Variants in PINX1 observed in about 807,000 individuals in gnomAD.
PINX1 encodes the protein PIN2/TERF1-interacting telomerase inhibitor 1.
Under a neutral mutation model 25.4 loss-of-function variants are expected in PINX1, and 34 were observed. The observed-to-expected ratio is 1.34, with a 90% CI of 1.02 to 1.78. PINX1 has a LOEUF of 1.78. PINX1 is among the 40% of genes most tolerant of loss of function. The probability of loss-of-function intolerance (pLI) is 0.00; values close to 1 mark genes in which losing one functional copy is unlikely to be tolerated. For missense variants in PINX1, 592 were observed against 404.9 expected (o/e 1.46, Z -3.97); for synonymous variants, 197 against 147.7 (o/e 1.33, Z -2.42).
At chr8:10,788,049 T>C (rs916472601) in intron 6 of PINX1, among the ~76,000 whole-genome samples, 2 of 152,194 alleles carry the variant, frequency 1.3e-5, no homozygotes, top group African/African-American at 2.4e-5. Context: ...GACTGTGTGT[T>C]ATGGAGTCCT....
chr8:10,822,083 T>C (rs1414948362), intron 5 of PINX1: 2 of 152,190 alleles, frequency 1.3e-5, no homozygotes, highest in African/African-American at 2.4e-5. Context: ...CTTAAGTAAA[T>C]GTAGAAACCA....
chr8:10,786,628 A>T (rs1393783701), intron 6 of PINX1, among the ~76,000 whole-genome samples: 1 of 152,192 alleles, frequency 6.6e-6, no homozygotes, highest in Non-Finnish European at 1.5e-5. Flanking sequence ...AGGGGCACAA[A>T]GACTCTGCCC....
At chr8:10,824,331 A>C (rs1420676190) in intron 5 of PINX1, among the ~76,000 whole-genome samples, 1 of 152,126 alleles carries the variant, frequency 6.6e-6, no homozygotes, top group Non-Finnish European at 1.5e-5. Flanking sequence ...CTAGCTGATA[A>C]ACCATTCTTT....
chr8:10,802,827 G>C (rs1014895786), intron 6 of PINX1, among the ~76,000 whole-genome samples: 4 of 152,148 alleles, frequency 2.6e-5, no homozygotes, highest in East Asian at 1.9e-4. Flanking sequence ...GATTCTCCTG[G>C]GACAACTATC....
At chr8:10,793,341 A>G (rs1801983040) in intron 6 of PINX1, among the ~76,000 whole-genome samples, 1 of 152,198 alleles carries the variant, frequency 6.6e-6, no homozygotes, top group Non-Finnish European at 1.5e-5. Flanking sequence ...AAATGTTTTC[A>G]CCTAGACCAG....
At chr8:10,799,374 G>A (rs1193188788) in intron 6 of PINX1, among the ~76,000 whole-genome samples, 2 of 152,140 alleles carry the variant, frequency 1.3e-5, no homozygotes. Context: ...TCTCCTTGAG[G>A]CCCCGAGGCC....
At chr8:10,783,639 T>G (rs1304417441) in intron 6 of PINX1, among the ~76,000 whole-genome samples, 1 of 152,170 alleles carries the variant, frequency 6.6e-6, no homozygotes, top group African/African-American at 2.4e-5. Context: ...GACTTCCTGA[T>G]GAGGTTGTGA....
intron 2 of PINX1, 129 bp from the exon 3 acceptor site, chr8:10,833,113 T>G (rs1387382584): frequency 3.5e-6 from 2 of 578,018 alleles, no homozygotes; most frequent in Non-Finnish European, 6.1e-6. Flanking sequence ...TTAAATACTT[T>G]CACAAAGCAA....
intron 6 of PINX1, among the ~76,000 whole-genome samples, chr8:10,797,437 C>T (rs992279038): frequency 1.3e-5 from 2 of 152,210 alleles, no homozygotes; most frequent in Non-Finnish European, 2.9e-5. Context: ...ACAGTGGCCT[C>T]TCCTGATCTC....
chr8:10,827,733 C>T (rs1439449702), intron 4 of PINX1, among the ~76,000 whole-genome samples: 1 of 150,764 alleles, frequency 6.6e-6, no homozygotes, highest in Admixed American at 6.6e-5. Flanking sequence ...GGTGAAACCC[C>T]GTCTCTACTA....
intron 6 of PINX1, among the ~76,000 whole-genome samples, chr8:10,792,899 C>T (rs567695614): frequency 2.0e-4 from 31 of 152,186 alleles, no homozygotes; most frequent in African/African-American, 7.2e-4. Flanking sequence ...ATCTGAGATG[C>T]CCCCTTACCT....
intron 6 of PINX1, among the ~76,000 whole-genome samples, chr8:10,819,716 CCCCTT>C (rs1797806925): frequency 6.6e-6 from 1 of 152,094 alleles, no homozygotes; most frequent in South Asian, 2.1e-4. Flanking sequence ...CCCATCAAAC[CCCCTT>C]ATAGATGGTG....
intron 6 of PINX1, among the ~76,000 whole-genome samples, chr8:10,799,905 T>A (rs1036259041): frequency 2.6e-5 from 4 of 152,194 alleles, no homozygotes; most frequent in African/African-American, 9.7e-5. Context: ...ACGGTCTGAG[T>A]TAGTCCTTAC....
rs1387908572 is a variant in PINX1 at position 10,765,263 on chromosome 8, G to A, written c.*138C>T. 4.2e-6 allele frequency: 3 copies of A among 708,552 alleles called. No homozygotes were observed. Among genetic ancestry groups the A allele is most frequent in the African/African-American group, 3.6e-5 (2 of 55,890 alleles). The allele number at this position is 708,552 out of a possible 1,614,324, so 43.9% of individuals were successfully genotyped here. On this transcript the variant is annotated 3_prime_UTR_variant, in exon 7 of 7. Transcript: ENST00000314787. ...TGGGGGAAATGTGGCGAGAGGGCAG[G>A]ACTCGGCAGCCCATGGGCATGCCAC...
intron 6 of PINX1, among the ~76,000 whole-genome samples, chr8:10,800,326 G>T (rs946343018): frequency 6.6e-6 from 1 of 152,112 alleles, no homozygotes; most frequent in Admixed American, 6.5e-5. Flanking sequence ...AGATGTTACC[G>T]CAGAGTTTTA....
chr8:10,791,151 A>T (rs747793743), intron 6 of PINX1, among the ~76,000 whole-genome samples: 45 of 152,112 alleles, frequency 3.0e-4, no homozygotes, highest in Admixed American at 2.0e-3. Flanking sequence ...TGACCTCGTG[A>T]TCTGCCTGCC....
chr8:10,767,779 C>T (rs1332067187), intron 6 of PINX1, among the ~76,000 whole-genome samples: 1 of 142,060 alleles, frequency 7.0e-6, no homozygotes, highest in Non-Finnish European at 1.5e-5. Context: ...GAGACAGGCT[C>T]GGTGACCAGG....
chr8:10,801,157 C>A (rs1333036987), intron 6 of PINX1, among the ~76,000 whole-genome samples: 4 of 152,158 alleles, frequency 2.6e-5, no homozygotes, highest in African/African-American at 9.7e-5. Context: ...AACTCTTCTT[C>A]CCAGTACCAC....
At chr8:10,804,589 G>C (rs946603300) in intron 6 of PINX1, among the ~76,000 whole-genome samples, 1 of 152,070 alleles carries the variant, frequency 6.6e-6, no homozygotes, top group Non-Finnish European at 1.5e-5. Context: ...CGCTCTGAAA[G>C]GATGCCCTGC....
Sources: gnomAD v4.1 joint callset for allele counts (sites outside exome capture counted in the v4.1 genomes callset) on GRCh38, gnomAD v4.1.1 for gene constraint, MANE v1.5 for transcripts, NCBI Gene and HGNC (gene_info 2026-07-23, HGNC 2026-07-21) for gene names.